The following ALX3 variants were observed in gnomAD, a reference collection of about 807,000 sequenced individuals.
ALX3 encodes the protein ALX homeobox 3, also known as homeobox protein aristaless-like 3.
In ALX3, 17 loss-of-function variants were observed where a neutral mutation model predicts 26.3. The observed-to-expected ratio is 0.65, with a 90% CI of 0.44 to 0.97. The LOEUF (loss-of-function observed/expected upper bound fraction) is 0.97, where lower values mean the gene tolerates loss of function less well. Ranked by LOEUF, ALX3 falls within the 50% of genes least tolerant of loss-of-function variation. The probability of loss-of-function intolerance (pLI) is 0.00; values close to 1 mark genes in which losing one functional copy is unlikely to be tolerated. For missense variants in ALX3, 461 were observed against 466.5 expected (o/e 0.99, Z 0.11); for synonymous variants, 208 against 201.4 (o/e 1.03, Z -0.28).
chr1:110,063,602 G>A (rs1653705072), intron 2 of ALX3, among the ~76,000 whole-genome samples: 3 of 152,010 alleles, frequency 2.0e-5, no homozygotes, highest in African/African-American at 7.3e-5. Flanking sequence ...GATAGCATGA[G>A]CTTTGTTCCT....
rs760085972 is a variant in ALX3 at position 110,070,345 on chromosome 1, G to T, written c.268C>A (p.Pro90Thr). ...ALNGGHFYEG[P>T]AEAEEKTSKA... ...CCGCGCCGCGCGTTACCTTCCGCGG[G>T]GCCCTCGTAGAAGTGGCCGCCGTTG... Residue 90 changes from proline to threonine, a missense_variant, in exon 1 of 4, where the codon CCC becomes ACC. This residue lies in a region of ALX3 where 241 missense variants were observed against 206.1 expected (regional missense o/e 1.17). Coordinates refer to ENST00000647563, the MANE Select transcript of ALX3 (RefSeq NM_006492.3). The T allele has an allele frequency of 1.5e-6, 2 of 1,291,268 alleles. No homozygotes were observed. Among genetic ancestry groups the T allele is most frequent in the Non-Finnish European group, 2.0e-6 (2 of 1,018,916 alleles). 80.0% of individuals were successfully genotyped at this position (1,291,268 alleles called of 1,614,324 possible). A position where few individuals can be genotyped will look rare whatever the true frequency, so the allele number is the denominator to read the frequency against.
intron 1 of ALX3, among the ~76,000 whole-genome samples, chr1:110,067,573 G>A (rs1653819180): frequency 6.6e-6 from 1 of 152,226 alleles, no homozygotes; most frequent in Non-Finnish European, 1.5e-5. Context: ...CTAAGCCACT[G>A]TGCAGCCAGG....
intron 1 of ALX3, among the ~76,000 whole-genome samples, chr1:110,067,533 G>A (rs1653818628): frequency 6.6e-6 from 1 of 152,218 alleles, no homozygotes; most frequent in South Asian, 2.1e-4. Flanking sequence ...TCACCCGGAG[G>A]AGTGCCAGAG....
In ALX3 at chr1:110,070,445, G is replaced by T; in HGVS notation, c.168C>A (p.Pro56=). ...CCGGCTCTGGGAGGTAGGGCTCCAG[G>T]GGCCCGCAGGCCGGAAAGCGGGTCA... ...PRLTRFPACG[P]LEPYLPEPAK... The change falls in exon 1 of 4, where the codon CCC becomes CCA. Residue 56 remains proline (P), a synonymous_variant. Coordinates refer to ENST00000647563, the MANE Select transcript of ALX3 (RefSeq NM_006492.3). 1 of 1,258,120 alleles carries T rather than the reference G, an allele frequency of 7.9e-7. No individual in the cohort carries two copies. Among genetic ancestry groups the T allele is most frequent in the Non-Finnish European group, 1.0e-6 (1 of 1,002,750 alleles). The allele number at this position is 1,258,120 out of a possible 1,614,324, so 77.9% of individuals were successfully genotyped here.
rs1454850648 is a variant in ALX3, at chr1:110,070,649, G to T, written c.-37C>A. 4 of 1,197,560 alleles carry T rather than the reference G, an allele frequency of 3.3e-6. No homozygotes were observed. Among genetic ancestry groups the T allele is most frequent in the South Asian group, 8.4e-5 (2 of 23,842 alleles). 74.2% of individuals were successfully genotyped at this position (1,197,560 alleles called of 1,614,324 possible). A position where few individuals can be genotyped will look rare whatever the true frequency, so the allele number is the denominator to read the frequency against. ...GCGCACAGGCCTCCGGGGCTCCGGG[G>T]CTCGCGCTGCCCGCGCCGCCTGTGA... On this transcript the variant is annotated 5_prime_UTR_variant, in exon 1 of 4. Transcript: ENST00000647563.
In ALX3 at chr1:110,061,547, C is replaced by T. The variant is rs374651713; in HGVS notation, c.611G>A (p.Arg204His). Residue 204 changes from arginine (R) to histidine (H), a missense_variant, in exon 3 of 4, where the codon CGC becomes CAC. Coordinates refer to ENST00000647563, the MANE Select transcript of ALX3 (RefSeq NM_006492.3). ...CTCGCGCTTCCGCCACTTGGCTCTG[C>T]GGTTCTGGAACCAGACCTGGGGGCA... Reference protein sequence around the residue: ...EARVQVWFQNRRAKWRKRERY... With the variant: ...EARVQVWFQNHRAKWRKRERY... The T allele has an allele frequency of 1.3e-5, 21 of 1,614,050 alleles. No homozygotes were observed. Among genetic ancestry groups the T allele is most frequent in the African/African-American group, 1.1e-4 (8 of 74,922 alleles).
At position 110,070,409 on chromosome 1, in the gene ALX3, G is replaced by C. The variant is rs545925004; in HGVS notation, c.204C>G (p.Pro68=). ...EPYLPEPAKP[P]AKYLQDLGPG... is the part of the protein sequence containing the mutation. ...GCCCGAGGTCCTGCAGGTACTTGGC[G>C]GGCGGCTTGGCCGGCTCTGGGAGGT... Residue 68 remains proline, a synonymous_variant, in exon 1 of 4, where the codon CCC becomes CCG. Transcript: ENST00000647563. 7.8e-7 allele frequency: 1 copy of C among 1,277,590 alleles called. No homozygotes were observed. The highest frequency in any genetic ancestry group is 9.9e-7 in the Non-Finnish European group (1 of 1,013,392). 79.1% of individuals were successfully genotyped at this position (1,277,590 alleles called of 1,614,324 possible). A position where few individuals can be genotyped will look rare whatever the true frequency, so the allele number is the denominator to read the frequency against.
intron 2 of ALX3, among the ~76,000 whole-genome samples, chr1:110,062,729 G>A (rs1203588761): frequency 6.6e-6 from 1 of 151,740 alleles, no homozygotes; most frequent in Non-Finnish European, 1.5e-5. Flanking sequence ...GGCACCAACA[G>A]TGAAGGGGCT....
chr1:110,061,699 C>CT, intron 2 of ALX3, 136 bp from the exon 3 acceptor site: 1 of 1,341,724 alleles, frequency 7.5e-7, no homozygotes, highest in Non-Finnish European at 1.0e-6. Flanking sequence ...AACTGTTAAT[C>CT]CACACTGTTC....
rs1183613164 is a variant in ALX3 at position 110,070,557 on chromosome 1, A to G, written c.56T>C (p.Val19Ala). ...GCCCGGAGGCTCGTCCCCCGAGGCCACATAGGGGCCGGGTGCAGGCCCCAC... is the reference window on the plus strand; with the variant it reads ...GCCCGGAGGCTCGTCCCCCGAGGCCGCATAGGGGCCGGGTGCAGGCCCCAC... ...FRVGPAPGPY[V>A]ASGDEPPGPQ... Residue 19 changes from valine (V) to alanine (A), a missense_variant, in exon 1 of 4, where the codon GTG becomes GCG. Val to Ala is a moderately conservative substitution (Grantham distance 64, BLOSUM62 0). Transcript: ENST00000647563. The G allele has an allele frequency of 3.8e-6, 5 of 1,309,972 alleles. No homozygotes were observed. Among genetic ancestry groups the G allele is most frequent in the Non-Finnish European group, 2.9e-6 (3 of 1,027,082 alleles). The allele number at this position is 1,309,972 out of a possible 1,614,324, so 81.1% of individuals were successfully genotyped here.
intron 1 of ALX3, among the ~76,000 whole-genome samples, chr1:110,069,746 C>T (rs1266035405): frequency 1.3e-5 from 2 of 152,220 alleles, no homozygotes; most frequent in Non-Finnish European, 2.9e-5. Flanking sequence ...CATTGCACGA[C>T]CAGTCGCGGC....
intron 1 of ALX3, among the ~76,000 whole-genome samples, chr1:110,069,807 GC>G (rs1171933335): frequency 6.6e-6 from 1 of 152,164 alleles, no homozygotes; most frequent in Non-Finnish European, 1.5e-5. Context: ...TGAAGGCTAG[GC>G]CCGGGGAGGA....
intron 2 of ALX3, 25 bp from the exon 3 acceptor site, chr1:110,061,588 A>T (rs766089717): frequency 6.2e-7 from 1 of 1,613,564 alleles, no homozygotes; most frequent in East Asian, 2.2e-5. Context: ...TGGGGGTTTG[A>T]GGGGGTGATA....
chr1:110,063,884 C>T (rs1262659466), intron 2 of ALX3, among the ~76,000 whole-genome samples: 3 of 151,988 alleles, frequency 2.0e-5, no homozygotes, highest in Admixed American at 1.3e-4. Flanking sequence ...CCTTGCCTTC[C>T]TCCCTTCTCA....
At chr1:110,069,456 G>T (rs987356325) in intron 1 of ALX3, among the ~76,000 whole-genome samples, 2 of 152,222 alleles carry the variant, frequency 1.3e-5, no homozygotes, top group East Asian at 3.9e-4. Context: ...TGCGGCGGAC[G>T]GCCGCAGAGC....
chr1:110,061,214 C>G (rs1653633893), intron 3 of ALX3, 173 bp from the exon 4 acceptor site: 11 of 1,004,892 alleles, frequency 1.1e-5, no homozygotes, highest in Non-Finnish European at 1.6e-5. Flanking sequence ...CAGGAGGCCC[C>G]TGCCACTGTT....
chr1:110,070,275 C>T (rs570002017), intron 1 of ALX3, 61 bp downstream of exon 1: 119 of 1,284,160 alleles, frequency 9.3e-5, no homozygotes, highest in Admixed American at 4.4e-4. Context: ...CCCGGGTGGG[C>T]CCGGGTAAGG....
chr1:110,061,626 A>C, intron 2 of ALX3, 63 bp from the exon 3 acceptor site: 1 of 1,606,014 alleles, frequency 6.2e-7, no homozygotes, highest in Non-Finnish European at 8.5e-7. Flanking sequence ...GGAGCCTGCT[A>C]GGGAGAGCTG....
At position 110,060,504 on chromosome 1, in the gene ALX3, T is replaced by TCAC. The variant is rs1000171661; in HGVS notation, c.*228_*229insGTG. 2.6e-6 allele frequency: 1 copy of TCAC among 384,408 alleles called. No individual in the cohort carries two copies. The highest frequency in any genetic ancestry group is 2.1e-5 in the African/African-American group (1 of 48,460). 23.8% of individuals were successfully genotyped at this position (384,408 alleles called of 1,614,324 possible). A position where few individuals can be genotyped will look rare whatever the true frequency, so the allele number is the denominator to read the frequency against. On this transcript the variant is annotated 3_prime_UTR_variant, in exon 4 of 4. Coordinates refer to ENST00000647563, the MANE Select transcript of ALX3 (RefSeq NM_006492.3). ...CAGCCCAGAGTTCAGGTGAGGGGAC[T>TCAC]CAGTTTGTGGTAGGAAGAGTCCTGG...
Sources: allele counts gnomAD v4.1 joint callset (sites outside exome capture counted in the v4.1 genomes callset), GRCh38; gene constraint gnomAD v4.1.1; regional missense constraint gnomAD v4.1.1; transcripts MANE v1.5; gene names NCBI Gene and HGNC (gene_info 2026-07-23, HGNC 2026-07-21).